The following ERGIC1 variants were observed in gnomAD, a reference collection of about 807,000 sequenced individuals.
The protein encoded by ERGIC1 is endoplasmic reticulum-golgi intermediate compartment 1.
ERGIC1 carries 19 observed loss-of-function variants against 38.3 expected under a neutral mutation model. The observed-to-expected ratio is 0.50, with a 90% CI of 0.35 to 0.73. ERGIC1 has a LOEUF of 0.73. ERGIC1 is among the 30% of genes least tolerant of loss of function. The probability of loss-of-function intolerance (pLI) is 0.01; values close to 1 mark genes in which losing one functional copy is unlikely to be tolerated. For synonymous variants in ERGIC1, 124 were observed against 157.6 expected (o/e 0.79, Z 1.60); for missense variants, 294 against 389.2 (o/e 0.76, Z 2.06).
intron 3 of ERGIC1, among the ~76,000 whole-genome samples, chr5:172,902,399 A>G (rs563452052): frequency 6.6e-6 from 1 of 152,340 alleles, no homozygotes; most frequent in East Asian, 1.9e-4. Context: ...GGCCCCAGGC[A>G]TCCCATTAAG....
chr5:172,928,773 T>A (rs1763712787), intron 7 of ERGIC1, among the ~76,000 whole-genome samples: 1 of 151,996 alleles, frequency 6.6e-6, no homozygotes, highest in Non-Finnish European at 1.5e-5. Context: ...AGTGTCCCCC[T>A]CCACTCTTTC....
chr5:172,845,283 T>A (rs911142374), intron 1 of ERGIC1, among the ~76,000 whole-genome samples: 11 of 152,296 alleles, frequency 7.2e-5, no homozygotes, highest in African/African-American at 2.6e-4. Flanking sequence ...GGGGCCCTGG[T>A]TGCTGGAGAG....
rs140645869 is a variant in ERGIC1, at chr5:172,950,131, T to C, written c.766-578T>C. ...TAGCACCAAAGGCCTCTCTGTCCTTTGTAGCACTTGCCTTGGCTATAATTT... is the reference window on the plus strand; with the variant it reads ...TAGCACCAAAGGCCTCTCTGTCCTTCGTAGCACTTGCCTTGGCTATAATTT... On this transcript the variant is annotated intron_variant, in intron 9 of 9. Transcript: ENST00000393784. Among the ~76,000 whole-genome samples the C allele has an allele frequency of 8.9e-3, 1,362 of 152,358 alleles. 18 individuals carry two copies. The highest frequency in any genetic ancestry group is 0.03 in the African/African-American group (1,251 of 41,590).
chr5:172,854,461 T>C (rs77917168), intron 1 of ERGIC1, among the ~76,000 whole-genome samples: 4,199 of 152,376 alleles, frequency 0.028, 189 homozygotes, highest in African/African-American at 0.095. Context: ...AAGTATTTCC[T>C]GGCTGGGGCC....
chr5:172,839,882 C>T (rs116363146), intron 1 of ERGIC1, among the ~76,000 whole-genome samples: 2 of 152,292 alleles, frequency 1.3e-5, no homozygotes, highest in Non-Finnish European at 2.9e-5. Flanking sequence ...TGGAACACTG[C>T]CATTTGGCAC....
At chr5:172,842,478 C>T (rs1420921247) in intron 1 of ERGIC1, among the ~76,000 whole-genome samples, 1 of 152,134 alleles carries the variant, frequency 6.6e-6, no homozygotes, top group African/African-American at 2.4e-5. Flanking sequence ...CTGCAGTGAG[C>T]ATGGGAGTGC....
intron 2 of ERGIC1, among the ~76,000 whole-genome samples, chr5:172,893,907 G>GTA (rs1762640225): frequency 3.9e-4 from 7 of 18,032 alleles, no homozygotes; most frequent in Admixed American, 7.1e-4. Flanking sequence ...ATATATATAT[G>GTA]TGTGTGTGTG....
At chr5:172,945,331 GGGCCCT>G (rs1477968164) in intron 9 of ERGIC1, among the ~76,000 whole-genome samples, 3 of 152,208 alleles carry the variant, frequency 2.0e-5, no homozygotes, top group Non-Finnish European at 4.4e-5. Context: ...TAACTTCAGA[GGGCCCT>G]TAGAGTGCGT....
rs762430816 is a variant in ERGIC1 at position 172,932,524 on chromosome 5, G to A, written c.630G>A (p.Thr210=). ...AGCAGCGGTACTCCTACCAGTACACGGTGGCCAACAAGGTGCGCGGGCGGT... is the reference window on the plus strand; with the variant it reads ...AGCAGCGGTACTCCTACCAGTACACAGTGGCCAACAAGGTGCGCGGGCGGT... ...SGKQRYSYQY[T]VANKEYVAYS... Residue 210 remains threonine (T), a synonymous_variant, in exon 8 of 10, where the codon ACG becomes ACA. Coordinates refer to ENST00000393784, the MANE Select transcript of ERGIC1 (RefSeq NM_001031711.3). 2.0e-5 allele frequency: 33 copies of A among 1,614,066 alleles called. No individual in the cohort carries two copies. The highest frequency in any genetic ancestry group is 2.6e-5 in the Non-Finnish European group (31 of 1,179,982).
Position 172,920,523 on chromosome 5 carries a change from A to G in ERGIC1, c.376-3482A>G, listed in dbSNP as rs1763484784. 3 of 704,716 alleles carry G rather than the reference A, an allele frequency of 4.3e-6. No individual in the cohort carries two copies. In the Admixed American group the frequency reaches 6.1e-5, roughly 14 times the overall value. The allele number at this position is 704,716 out of a possible 1,614,324, so 43.7% of individuals were successfully genotyped here. A position where few individuals can be genotyped will look rare whatever the true frequency, so the allele number is the denominator to read the frequency against. On this transcript the variant is annotated intron_variant, in intron 5 of 9. Coordinates refer to ENST00000393784, the MANE Select transcript of ERGIC1 (RefSeq NM_001031711.3). ...GGCCTGGCTCCAGCTATATGTTTTTAAAATCCATCAGAGACACTGACGTAG... is the reference window on the plus strand; with the variant it reads ...GGCCTGGCTCCAGCTATATGTTTTTGAAATCCATCAGAGACACTGACGTAG...
intron 3 of ERGIC1, among the ~76,000 whole-genome samples, chr5:172,899,020 T>C (rs1762804113): frequency 6.6e-6 from 1 of 152,030 alleles, no homozygotes; most frequent in Admixed American, 6.5e-5. Flanking sequence ...CCCCACCCTC[T>C]AGGAGGGGAC....
chr5:172,854,483 G>A (rs1005649367), intron 1 of ERGIC1, among the ~76,000 whole-genome samples: 20 of 152,256 alleles, frequency 1.3e-4, no homozygotes, highest in African/African-American at 4.8e-4. Context: ...CTGTCTGTTG[G>A]GTTTGCACGT....
At chr5:172,924,689 A>C (rs1763610845) in intron 6 of ERGIC1, among the ~76,000 whole-genome samples, 1 of 152,178 alleles carries the variant, frequency 6.6e-6, no homozygotes, top group Non-Finnish European at 1.5e-5. Flanking sequence ...TGCCACGTGC[A>C]GGGGCAAAAC....
intron 1 of ERGIC1, among the ~76,000 whole-genome samples, chr5:172,848,836 A>G (rs1260471510): frequency 6.6e-6 from 1 of 152,146 alleles, no homozygotes; most frequent in Non-Finnish European, 1.5e-5. Flanking sequence ...AAATGTTTCT[A>G]GTTTTCTCCT....
chr5:172,851,786 C>G (rs1761412738), intron 1 of ERGIC1, among the ~76,000 whole-genome samples: 1 of 152,030 alleles, frequency 6.6e-6, no homozygotes, highest in Non-Finnish European at 1.5e-5. Flanking sequence ...AGTCTGGATG[C>G]CCCTGGGTAA....
At chr5:172,856,218 C>A (rs537607674) in intron 1 of ERGIC1, among the ~76,000 whole-genome samples, 1 of 152,192 alleles carries the variant, frequency 6.6e-6, no homozygotes, top group South Asian at 2.1e-4. Flanking sequence ...GGGTTGGCAG[C>A]CAGGCTGGAG....
intron 3 of ERGIC1, among the ~76,000 whole-genome samples, chr5:172,903,080 C>T (rs1037955081): frequency 2.6e-5 from 4 of 152,082 alleles, no homozygotes; most frequent in Middle Eastern, 3.4e-3. Context: ...CGCCATCTGG[C>T]GTCCCCCACC....
At chr5:172,836,022 G>C (rs890159655) in intron 1 of ERGIC1, among the ~76,000 whole-genome samples, 1 of 152,216 alleles carries the variant, frequency 6.6e-6, no homozygotes, top group Admixed American at 6.5e-5. Flanking sequence ...GCCCCTGTGT[G>C]ATTCAGTAGG....
chr5:172,847,792 C>T lies in ERGIC1; in HGVS notation c.20+13359C>T, dbSNP rs149143744. Among the ~76,000 whole-genome samples, 884 of 152,340 alleles carry T rather than the reference C, an allele frequency of 5.8e-3. 7 individuals carry two copies. The highest frequency in any genetic ancestry group is 0.02 in the African/African-American group (825 of 41,568). On this transcript the variant is annotated intron_variant, in intron 1 of 9. Transcript: ENST00000393784. ...CCTCCCAAAGTGCTGGGATTACAGGCATGTGCCACCACGCCCGGCCACATG... is the reference window on the plus strand; with the variant it reads ...CCTCCCAAAGTGCTGGGATTACAGGTATGTGCCACCACGCCCGGCCACATG...
Sources: allele counts gnomAD v4.1 joint callset (sites outside exome capture counted in the v4.1 genomes callset), GRCh38; gene constraint gnomAD v4.1.1; transcripts MANE v1.5; gene names NCBI Gene and HGNC (gene_info 2026-07-23, HGNC 2026-07-21).